Variants in HHAT observed in about 807,000 individuals in gnomAD.
HHAT encodes the protein hedgehog acyltransferase.
In HHAT, 47 loss-of-function variants were observed where a neutral mutation model predicts 70.8. The observed-to-expected ratio is 0.66, with a 90% CI of 0.53 to 0.85. HHAT has a LOEUF of 0.85. Among genes scored for constraint, HHAT ranks in the 40% least tolerant of loss-of-function variants. The probability of loss-of-function intolerance (pLI) is 0.00; values close to 1 mark genes in which losing one functional copy is unlikely to be tolerated. For missense variants in HHAT, 609 were observed against 604.8 expected (o/e 1.01, Z -0.07); for synonymous variants, 228 against 247.6 (o/e 0.92, Z 0.74).
At position 210,537,207 on chromosome 1, in the gene HHAT, T is replaced by C. The variant is rs147643714; in HGVS notation, c.1043+24019T>C. Among the ~76,000 whole-genome samples, 1,141 of 152,216 alleles carry C rather than the reference T, an allele frequency of 7.5e-3. 12 individuals carry two copies. Among genetic ancestry groups the C allele is most frequent in the African/African-American group, 0.023 (971 of 41,514 alleles). ...TCTGTTGTCAGAATCAATGAGAAAT[T>C]TCTCTTACTTTGGCACAGAAAGCTC... On this transcript the variant is annotated intron_variant, in intron 9 of 11. Transcript: ENST00000261458.
chr1:210,623,542 C>T lies in HHAT; in HGVS notation c.1262C>T (p.Pro421Leu), dbSNP rs766841031. The change falls in exon 11 of 12, where the codon CCA becomes CTA. Residue 421 changes from proline (P) to leucine (L), a missense_variant. Physicochemically the swap from Pro to Leu is moderately conservative, Grantham distance 98. Transcript: ENST00000261458. ...TTCCCGTAGGCCCGATACTTCTCCC[C>T]ACAAGCTCGCCGTCGATTCCACGCT... is the stretch of plus-strand genomic sequence containing the variant. ...IQDSLARYFS[P>L]QARRRFHAAL... 3.1e-6 allele frequency: 5 copies of T among 1,614,096 alleles called. No homozygotes were observed. Among genetic ancestry groups the T allele is most frequent in the African/African-American group, 1.3e-5 (1 of 75,026 alleles).
chr1:210,405,487 A>G (rs910033), intron 6 of HHAT, among the ~76,000 whole-genome samples: 119,931 of 152,112 alleles, frequency 0.79, 47,508 homozygotes, highest in African/African-American at 0.84. Flanking sequence ...ATAGAGGAGA[A>G]AATAACATGT....
intron 9 of HHAT, among the ~76,000 whole-genome samples, chr1:210,576,136 G>A (rs1657675449): frequency 6.6e-6 from 1 of 152,094 alleles, no homozygotes; most frequent in Admixed American, 6.5e-5. Context: ...AAGTGACCTG[G>A]ATCTGATGGT....
intron 11 of HHAT, among the ~76,000 whole-genome samples, chr1:210,651,894 C>T (rs560430919): frequency 6.6e-6 from 1 of 152,284 alleles, no homozygotes; most frequent in East Asian, 1.9e-4. Context: ...AGGAAAGGGG[C>T]TAATGGAGCT....
intron 10 of HHAT, among the ~76,000 whole-genome samples, chr1:210,603,919 T>A (rs1457079890): frequency 6.6e-6 from 1 of 152,192 alleles, no homozygotes; most frequent in Non-Finnish European, 1.5e-5. Flanking sequence ...TGGATCTTGC[T>A]TTTTCTTCTG....
Position 210,329,115 on chromosome 1 carries a change from G to A in HHAT, c.-44+11G>A, listed in dbSNP as rs768993390. ...CGGGACAGCCCGGAGGTTGGTAACT[G>A]GTGACCATAGGGGGTCCTGGGGAGG... is the stretch of plus-strand genomic sequence containing the variant. On this transcript the variant is annotated intron_variant, in intron 1 of 11. Transcript: ENST00000261458. 2 of 1,374,526 alleles carry A rather than the reference G, an allele frequency of 1.5e-6. 1 individual carries two copies. Among genetic ancestry groups the A allele is most frequent in the South Asian group, 3.4e-5 (2 of 58,764 alleles). 85.1% of individuals were successfully genotyped at this position (1,374,526 alleles called of 1,614,324 possible).
At chr1:210,349,999 T>A (rs934802785) in intron 2 of HHAT, among the ~76,000 whole-genome samples, 1 of 152,162 alleles carries the variant, frequency 6.6e-6, no homozygotes, top group Non-Finnish European at 1.5e-5. Flanking sequence ...AAACTACTTT[T>A]AAAAAATAAA....
At chr1:210,418,076 G>A (rs2092777365) in intron 6 of HHAT, 78 bp from the exon 7 acceptor site, 3 of 1,401,016 alleles carry the variant, frequency 2.1e-6, no homozygotes, top group East Asian at 2.3e-5. Flanking sequence ...TTTGTGGGAA[G>A]TTTATGAAAA....
At chr1:210,616,658 A>G (rs1001873377) in intron 10 of HHAT, among the ~76,000 whole-genome samples, 1 of 152,218 alleles carries the variant, frequency 6.6e-6, no homozygotes, top group African/African-American at 2.4e-5. Context: ...TGCAGTTGAG[A>G]GAAGGGAATC....
At chr1:210,352,318 C>G (rs917709086) in intron 2 of HHAT, among the ~76,000 whole-genome samples, 13 of 152,146 alleles carry the variant, frequency 8.5e-5, no homozygotes, top group Non-Finnish European at 1.2e-4. Flanking sequence ...ATGCTTTTGC[C>G]AGTTTACCTC....
chr1:210,576,925 T>C (rs754788193), intron 9 of HHAT, among the ~76,000 whole-genome samples: 1 of 152,172 alleles, frequency 6.6e-6, no homozygotes, highest in Non-Finnish European at 1.5e-5. Flanking sequence ...ATTTTATTCT[T>C]TGTCATTCTA....
chr1:210,669,935 G>C (rs114067712), intron 11 of HHAT, among the ~76,000 whole-genome samples: 4,535 of 152,176 alleles, frequency 0.03, 86 homozygotes, highest in Middle Eastern at 0.061. Flanking sequence ...TAAAAGGAAT[G>C]GGGGTTGGGA....
chr1:210,349,692 G>A (rs187693662), intron 2 of HHAT, among the ~76,000 whole-genome samples: 45 of 143,532 alleles, frequency 3.1e-4, no homozygotes, highest in East Asian at 1.6e-3. Context: ...CGCTCTTGTC[G>A]CCCAGGCTAG....
At chr1:210,596,890 G>A (rs1663131848) in intron 10 of HHAT, among the ~76,000 whole-genome samples, 2 of 152,070 alleles carry the variant, frequency 1.3e-5, no homozygotes, top group South Asian at 2.1e-4. Flanking sequence ...TGGTGCATTG[G>A]TATTTGGCCA....
intron 9 of HHAT, among the ~76,000 whole-genome samples, chr1:210,568,318 T>C (rs183548137): frequency 6.0e-4 from 92 of 152,366 alleles, no homozygotes; most frequent in Non-Finnish European, 7.2e-4. Context: ...TTCATCTCTA[T>C]CTTTTGTGAT....
chr1:210,528,628 T>C (rs1378176271), intron 9 of HHAT, among the ~76,000 whole-genome samples: 1 of 152,224 alleles, frequency 6.6e-6, no homozygotes, highest in Non-Finnish European at 1.5e-5. Flanking sequence ...GTATAGCCTA[T>C]TAATTAATAT....
intron 10 of HHAT, among the ~76,000 whole-genome samples, chr1:210,607,133 A>G (rs548789074): frequency 5.3e-5 from 8 of 151,740 alleles, no homozygotes; most frequent in Admixed American, 1.3e-4. Flanking sequence ...TACTCTTGCT[A>G]TCTGTGCTAC....
At chr1:210,518,059 T>C (rs569841930) in intron 9 of HHAT, among the ~76,000 whole-genome samples, 9 of 152,332 alleles carry the variant, frequency 5.9e-5, no homozygotes, top group South Asian at 4.1e-4. Context: ...AGTTAGCATA[T>C]TGGTCATCTC....
At chr1:210,532,993 T>G (rs2095330732) in intron 9 of HHAT, among the ~76,000 whole-genome samples, 1 of 152,256 alleles carries the variant, frequency 6.6e-6, no homozygotes, top group African/African-American at 2.4e-5. Flanking sequence ...TCTTTCCATG[T>G]AGGTTTTCTG....
Sources: allele counts gnomAD v4.1 joint callset (sites outside exome capture counted in the v4.1 genomes callset), GRCh38; gene constraint gnomAD v4.1.1; transcripts MANE v1.5; gene names NCBI Gene and HGNC (gene_info 2026-07-23, HGNC 2026-07-21).